Variants in GRIK4 observed in about 807,000 individuals in gnomAD.
GRIK4 encodes glutamate ionotropic receptor kainate type subunit 4, also known as glutamate receptor ionotropic, kainate 4.
In GRIK4, 40 loss-of-function variants were observed where a neutral mutation model predicts 104.9. The observed-to-expected ratio is 0.38, with a 90% CI of 0.30 to 0.50. The LOEUF (loss-of-function observed/expected upper bound fraction) is 0.50, where lower values mean the gene tolerates loss of function less well. Ranked by LOEUF, GRIK4 falls within the 20% of genes least tolerant of loss-of-function variation. The pLI, the probability that GRIK4 is intolerant of heterozygous loss-of-function variation, is 0.93. For synonymous variants in GRIK4, 485 were observed against 524.9 expected (o/e 0.92, Z 1.04); for missense variants, 1,047 against 1,308.1 (o/e 0.80, Z 3.08).
At chr11:120,962,767 C>T in intron 18 of GRIK4, 86 bp downstream of exon 18, 1 of 822,788 alleles carries the variant, frequency 1.2e-6, no homozygotes, top group Non-Finnish European at 2.0e-6. Flanking sequence ...GCATTGAATC[C>T]AGTACCCCCT....
At chr11:120,928,988 T>TGTGCGCGC (rs1205285819) in intron 13 of GRIK4, among the ~76,000 whole-genome samples, 2 of 118,470 alleles carry the variant, frequency 1.7e-5, no homozygotes, top group African/African-American at 5.4e-5. Flanking sequence ...TGTGTGTGTG[T>TGTGCGCGC]GCGCGCGTGC....
intron 1 of GRIK4, among the ~76,000 whole-genome samples, chr11:120,643,003 C>T (rs1030374892): frequency 1.6e-4 from 24 of 152,046 alleles, no homozygotes; most frequent in African/African-American, 4.6e-4. Flanking sequence ...ATCTTAACAC[C>T]GTGACTGCTC....
intron 3 of GRIK4, among the ~76,000 whole-genome samples, chr11:120,667,849 G>C (rs1949942707): frequency 6.6e-6 from 1 of 152,216 alleles, no homozygotes; most frequent in South Asian, 2.1e-4. Context: ...CACTGTGCTG[G>C]ACTCGAGAGG....
chr11:120,946,451 G>A (rs1347876147), intron 14 of GRIK4, among the ~76,000 whole-genome samples: 1 of 152,180 alleles, frequency 6.6e-6, no homozygotes, highest in Non-Finnish European at 1.5e-5. Context: ...ACCAGGGTTC[G>A]AGGCTGTAGT....
intron 5 of GRIK4, among the ~76,000 whole-genome samples, chr11:120,817,311 A>C (rs115784078): frequency 6.6e-6 from 1 of 151,976 alleles, no homozygotes; most frequent in Non-Finnish European, 1.5e-5. Context: ...TCTGCAGCCA[A>C]CTCCTCTGCC....
chr11:120,651,144 T>C (rs890069402), intron 1 of GRIK4, among the ~76,000 whole-genome samples: 8 of 152,122 alleles, frequency 5.3e-5, no homozygotes, highest in African/African-American at 1.4e-4. Context: ...GGCCATCCTA[T>C]TGGGGAAAGA....
At chr11:120,591,968 G>T (rs17311324) in intron 1 of GRIK4, among the ~76,000 whole-genome samples, 42,600 of 151,996 alleles carry the variant, frequency 0.28, 7,749 homozygotes, top group Non-Finnish European at 0.41. Flanking sequence ...AGTGTCCTAG[G>T]AAATAAAAGA....
At chr11:120,751,573 T>C (rs35397814) in intron 3 of GRIK4, among the ~76,000 whole-genome samples, 1 of 151,964 alleles carries the variant, frequency 6.6e-6, no homozygotes, top group African/African-American at 2.4e-5. Context: ...TCTGGGTGGG[T>C]TTGGGGGAAG....
intron 1 of GRIK4, among the ~76,000 whole-genome samples, chr11:120,574,073 T>A (rs1948442477): frequency 6.6e-6 from 1 of 152,178 alleles, no homozygotes; most frequent in Non-Finnish European, 1.5e-5. Context: ...GTGCACCCGA[T>A]GAAAGGTAGT....
intron 6 of GRIK4, among the ~76,000 whole-genome samples, chr11:120,823,608 A>G (rs1281731021): frequency 1.3e-5 from 2 of 152,082 alleles, no homozygotes; most frequent in Non-Finnish European, 2.9e-5. Context: ...CCCTTCCACC[A>G]TCATGGTCTG....
chr11:120,673,774 G>T (rs1342249076), intron 3 of GRIK4, among the ~76,000 whole-genome samples: 3 of 152,188 alleles, frequency 2.0e-5, no homozygotes, highest in Admixed American at 2.0e-4. Context: ...AGCTGGGACT[G>T]CCCCTGGCCT....
intron 1 of GRIK4, among the ~76,000 whole-genome samples, chr11:120,544,901 C>T (rs1948070271): frequency 6.6e-6 from 1 of 152,186 alleles, no homozygotes; most frequent in Admixed American, 6.5e-5. Context: ...GACCTAGGGG[C>T]AAGGGGACCT....
intron 19 of GRIK4, among the ~76,000 whole-genome samples, chr11:120,975,686 T>C (rs1374035337): frequency 6.6e-6 from 1 of 152,206 alleles, no homozygotes; most frequent in African/African-American, 2.4e-5. Flanking sequence ...CTCTACCCTG[T>C]GTCCCTCTAG....
At chr11:120,721,445 G>T (rs1444352044) in intron 3 of GRIK4, among the ~76,000 whole-genome samples, 12 of 152,168 alleles carry the variant, frequency 7.9e-5, no homozygotes, top group Admixed American at 7.9e-4. Flanking sequence ...TGAAGAGATA[G>T]TTTGTTCCTC....
chr11:120,638,947 A>G (rs1001936578), intron 1 of GRIK4, among the ~76,000 whole-genome samples: 39 of 152,132 alleles, frequency 2.6e-4, no homozygotes, highest in Non-Finnish European at 5.1e-4. Flanking sequence ...CTGTAATCCC[A>G]GCACTTTGGG....
At chr11:120,552,264 T>C (rs1220035529) in intron 1 of GRIK4, among the ~76,000 whole-genome samples, 1 of 152,114 alleles carries the variant, frequency 6.6e-6, no homozygotes, top group East Asian at 1.9e-4. Context: ...GGATACCCCA[T>C]TGGTGTCTGC....
At chr11:120,657,393 G>T (rs1195591833) in intron 2 of GRIK4, among the ~76,000 whole-genome samples, 2 of 152,236 alleles carry the variant, frequency 1.3e-5, no homozygotes, top group Non-Finnish European at 2.9e-5. Context: ...TTCTGGGCCT[G>T]ATTTGCCAAC....
rs1948377298 is a variant in GRIK4 at position 120,570,046 on chromosome 11, T to C, written c.-159+58159T>C. 5.3e-5 allele frequency among the ~76,000 whole-genome samples: 8 copies of C among 152,232 alleles called. No individual in the cohort carries two copies. In the South Asian group the frequency reaches 1.7e-3, roughly 32 times the overall value. On this transcript the variant is annotated intron_variant, in intron 1 of 20. Coordinates refer to ENST00000527524, the MANE Select transcript of GRIK4 (RefSeq NM_014619.5). ...TCTCCATAGCAGAGTTACATGAAAA[T>C]GGTGTTGGCTGCTCCGGGAGCCCCT...
chr11:120,582,517 G>A (rs1948600310), intron 1 of GRIK4, among the ~76,000 whole-genome samples: 1 of 152,080 alleles, frequency 6.6e-6, no homozygotes, highest in Non-Finnish European at 1.5e-5. Context: ...TTGTGTCCAT[G>A]TGTATTCAGC....
Sources: allele counts gnomAD v4.1 joint callset (sites outside exome capture counted in the v4.1 genomes callset), GRCh38; gene constraint gnomAD v4.1.1; transcripts MANE v1.5; gene names NCBI Gene and HGNC (gene_info 2026-07-23, HGNC 2026-07-21).